Variants in PRPF18 observed in about 807,000 individuals in gnomAD.
PRPF18 encodes the protein pre-mRNA processing factor 18.
Under a neutral mutation model 46.5 loss-of-function variants are expected in PRPF18, and 38 were observed. The ratio of observed to expected loss-of-function variants is 0.82; its 90% CI spans 0.63 to 1.07. The LOEUF is 1.07. PRPF18 is among the 50% of genes least tolerant of loss of function. PRPF18 has a pLI of 0.00. For missense variants in PRPF18, 263 were observed against 410.0 expected (o/e 0.64, Z 3.10); for synonymous variants, 152 against 146.7 (o/e 1.04, Z -0.26).
the PRPF18 span, chr10:13,640,584 C>G: frequency 7.3e-6 from 1 of 137,062 alleles, no homozygotes; most frequent in Non-Finnish European, 1.6e-5. Context: ...TCCTTCATTC[C>G]TACCCTGCTG....
chr10:13,654,026 T>C, the PRPF18 span: 2 of 372,528 alleles, frequency 5.4e-6, no homozygotes, highest in Non-Finnish European at 9.6e-6. Context: ...TGCCCCAGTG[T>C]ATTTGCTGTC....
chr10:13,651,904 TC>T, the PRPF18 span: 2 of 1,518,304 alleles, frequency 1.3e-6, no homozygotes, highest in African/African-American at 2.7e-5. Flanking sequence ...TTACGGTACC[TC>T]TATTCATCAG....
Position 13,609,202 on chromosome 10 carries a change from A to G in PRPF18, c.364-837A>G, listed in dbSNP as rs571309310. 5.9e-5 allele frequency among the ~76,000 whole-genome samples: 9 copies of G among 152,290 alleles called. No homozygotes were observed. The South Asian group carries it at 1.9e-3, about 32-fold the overall frequency. ...GTCCATTTCTTAGCTTACTTGCGTGACTTGATGTTTGCGAGGTTCTGGAAC... is the reference window on the plus strand; with the variant it reads ...GTCCATTTCTTAGCTTACTTGCGTGGCTTGATGTTTGCGAGGTTCTGGAAC... On this transcript the variant is annotated intron_variant, in intron 4 of 9. Coordinates refer to ENST00000378572, the MANE Select transcript of PRPF18 (RefSeq NM_003675.4).
At chr10:13,637,517 T>A in the PRPF18 span, among the ~76,000 whole-genome samples, 1 of 152,248 alleles carries the variant, frequency 6.6e-6, no homozygotes, top group African/African-American at 2.4e-5. Flanking sequence ...TGTCCATTTT[T>A]CCCCTACTGA....
chr10:13,587,737 C>A (rs1231750148), intron 1 of PRPF18, among the ~76,000 whole-genome samples: 4 of 152,236 alleles, frequency 2.6e-5, no homozygotes, highest in African/African-American at 9.6e-5. Context: ...TAACCGGGGC[C>A]TCGAGCCGCT....
the PRPF18 span, chr10:13,637,257 A>C: frequency 6.6e-6 from 1 of 152,216 alleles, no homozygotes; most frequent in African/African-American, 2.4e-5. Context: ...GAGTTTTCCA[A>C]AGGAAAACCT....
At chr10:13,588,668 A>G (rs1238191497) in intron 1 of PRPF18, among the ~76,000 whole-genome samples, 3 of 152,108 alleles carry the variant, frequency 2.0e-5, no homozygotes, top group Non-Finnish European at 4.4e-5. Context: ...CTTCTTCAAC[A>G]CATGAAAAGT....
intron 1 of PRPF18, among the ~76,000 whole-genome samples, chr10:13,591,297 C>G (rs1301178221): frequency 6.6e-6 from 1 of 152,194 alleles, no homozygotes; most frequent in Non-Finnish European, 1.5e-5. Flanking sequence ...CAGACTTTTT[C>G]ACTGCCCCGT....
chr10:13,648,230 A>G, the PRPF18 span: 1 of 152,208 alleles, frequency 6.6e-6, no homozygotes, highest in Non-Finnish European at 1.5e-5. Flanking sequence ...TCAGAAGCAA[A>G]GTAAGAAAAG....
the PRPF18 span, chr10:13,640,223 G>A: frequency 4.5e-4 from 68 of 152,312 alleles, 1 homozygote; most frequent in Admixed American, 3.8e-3. Context: ...TAAGCGTGGC[G>A]GCTTCCTATT....
chr10:13,601,380 TAAAAG>T (rs1436469210), intron 3 of PRPF18, among the ~76,000 whole-genome samples: 3 of 152,160 alleles, frequency 2.0e-5, no homozygotes, highest in South Asian at 2.1e-4. Context: ...TTATTTTACT[TAAAAG>T]AAATCATAAA....
chr10:13,626,986 C>T (rs1374457261), intron 9 of PRPF18, among the ~76,000 whole-genome samples: 1 of 152,180 alleles, frequency 6.6e-6, no homozygotes, highest in Non-Finnish European at 1.5e-5. Flanking sequence ...GCCACCACCT[C>T]TCATCTGAAT....
At chr10:13,607,114 CAG>C (rs2080198983) in intron 4 of PRPF18, among the ~76,000 whole-genome samples, 1 of 152,072 alleles carries the variant, frequency 6.6e-6, no homozygotes, top group Admixed American at 6.5e-5. Context: ...TTTTTTGACA[CAG>C]AGTCTCACTC....
intron 4 of PRPF18, among the ~76,000 whole-genome samples, chr10:13,608,035 A>G (rs1056652856): frequency 2.6e-5 from 4 of 152,196 alleles, no homozygotes; most frequent in African/African-American, 9.7e-5. Flanking sequence ...GTGGTTACCT[A>G]TGACTATGTA....
At chr10:13,641,405 G>A in the PRPF18 span, 1 of 152,262 alleles carries the variant, frequency 6.6e-6, no homozygotes, top group African/African-American at 2.4e-5. Context: ...TGGGGATATT[G>A]GGTAGGCAGT....
the PRPF18 span, chr10:13,654,796 G>A: frequency 0.031 from 14,506 of 473,396 alleles, 1,091 homozygotes; most frequent in African/African-American, 0.19. Flanking sequence ...CTAGGTCCCC[G>A]CTTTGCCACC....
the PRPF18 span, among the ~76,000 whole-genome samples, chr10:13,638,299 CTTTTTTT>C: frequency 8.0e-6 from 1 of 125,040 alleles, no homozygotes; most frequent in Non-Finnish European, 1.7e-5. Flanking sequence ...CTTGGCTTTT[CTTTTTTT>C]TTTTTTTTTT....
At chr10:13,632,982 C>T (rs1237832218), downstream of PRPF18, among the ~76,000 whole-genome samples, 1 of 152,206 alleles carries the variant, frequency 6.6e-6, no homozygotes. Context: ...ACACTGAGTT[C>T]CCTTCAGAAG....
At chr10:13,626,042 C>T (rs1053493769) in intron 9 of PRPF18, among the ~76,000 whole-genome samples, 1 of 152,126 alleles carries the variant, frequency 6.6e-6, no homozygotes, top group Non-Finnish European at 1.5e-5. Context: ...GGGGAAGAGG[C>T]GTAGAGAAGT....
Sources: allele counts gnomAD v4.1 joint callset (sites outside exome capture counted in the v4.1 genomes callset), GRCh38; gene constraint gnomAD v4.1.1; transcripts MANE v1.5; gene names NCBI Gene and HGNC (gene_info 2026-07-23, HGNC 2026-07-21).